The following PNPLA1 variants were observed in gnomAD, a reference collection of about 807,000 sequenced individuals.
PNPLA1 encodes patatin like domain 1, omega-hydroxyceramide transacylase.
A neutral mutation model predicts 51.7 loss-of-function variants in PNPLA1; 36 were observed. That is an observed-to-expected ratio of 0.70 (90% CI 0.53 to 0.92). The LOEUF is 0.92. Among genes scored for constraint, PNPLA1 ranks in the 40% least tolerant of loss-of-function variants. The pLI is 0.00. For missense variants in PNPLA1, 658 were observed against 682.5 expected (o/e 0.96, Z 0.40); for synonymous variants, 293 against 280.1 (o/e 1.05, Z -0.46).
chr6:36,264,700 T>C (rs1457623928), intron 1 of PNPLA1, among the ~76,000 whole-genome samples: 1 of 152,190 alleles, frequency 6.6e-6, no homozygotes, highest in Non-Finnish European at 1.5e-5. Flanking sequence ...TTAAGATTTC[T>C]TCAGTCTGGC....
upstream of PNPLA1, among the ~76,000 whole-genome samples, chr6:36,268,993 A>G (rs1156299207): frequency 3.3e-5 from 5 of 151,352 alleles, no homozygotes; most frequent in Admixed American, 6.6e-5. Context: ...ACGCACACAC[A>G]CTTTATCTAA....
intron 1 of PNPLA1, among the ~76,000 whole-genome samples, chr6:36,284,192 G>A (rs1031045241): frequency 6.6e-6 from 1 of 152,248 alleles, no homozygotes; most frequent in Non-Finnish European, 1.5e-5. Context: ...CTTGCTAGGA[G>A]CACAGGTGAT....
At chr6:36,293,970 G>A (rs1021370903) in intron 3 of PNPLA1, among the ~76,000 whole-genome samples, 2 of 152,080 alleles carry the variant, frequency 1.3e-5, no homozygotes, top group South Asian at 2.1e-4. Context: ...ACAGAGCACC[G>A]GGCTGGGAGT....
chr6:36,278,234 T>C (rs1011738992), intron 1 of PNPLA1, among the ~76,000 whole-genome samples: 4 of 152,216 alleles, frequency 2.6e-5, no homozygotes, highest in Non-Finnish European at 2.9e-5. Context: ...CAATCTGAGA[T>C]CTTGTGGGTC....
chr6:36,271,733 G>T (rs1265465903), intron 1 of PNPLA1, among the ~76,000 whole-genome samples: 1 of 152,198 alleles, frequency 6.6e-6, no homozygotes, highest in African/African-American at 2.4e-5. Context: ...CTGCGGTGTG[G>T]AAAAGGTGGT....
chr6:36,306,571 G>A (rs371029559), intron 7 of PNPLA1, among the ~76,000 whole-genome samples, 195 bp downstream of exon 7: 1 of 152,182 alleles, frequency 6.6e-6, no homozygotes. Flanking sequence ...GGCAGTGTGT[G>A]GGGAAGGAGC....
chr6:36,243,666 AG>A (rs35258406), intron 1 of PNPLA1, among the ~76,000 whole-genome samples: 40 of 152,306 alleles, frequency 2.6e-4, no homozygotes, highest in African/African-American at 8.9e-4. Context: ...GTTAGTCTGC[AG>A]GGGGCTTTGC....
Position 36,302,031 on chromosome 6 carries a change from C to G in PNPLA1, c.946C>G (p.Pro316Ala), listed in dbSNP as rs746018691. The G allele has an allele frequency of 6.2e-7, 1 of 1,614,224 alleles. No homozygotes were observed. The highest frequency in any genetic ancestry group is 1.1e-5 in the South Asian group (1 of 91,088). Reference sequence around the variant, plus strand: ...CACACAACCTCACAAGGAGTGGGTTCCCAAAGGGGATGGAAGGGGCAGCCA... The same window carrying G: ...CACACAACCTCACAAGGAGTGGGTTGCCAAAGGGGATGGAAGGGGCAGCCA... Reference protein sequence around the residue: ...GATQPHKEWVPKGDGRGSHGP... With the variant: ...GATQPHKEWVAKGDGRGSHGP... The change falls in exon 6 of 9, where the codon CCC (proline) becomes GCC (alanine). Residue 316 changes from proline (P) to alanine (A), a missense_variant. Transcript: ENST00000636260.
At chr6:36,263,658 T>C (rs751071647) in intron 1 of PNPLA1, among the ~76,000 whole-genome samples, 1 of 152,074 alleles carries the variant, frequency 6.6e-6, no homozygotes, top group African/African-American at 2.4e-5. Context: ...CATGCTTTCT[T>C]ATTTTGTGAA....
At chr6:36,284,555 T>TCATCCATCCATCCATC (rs66750925) in intron 1 of PNPLA1, among the ~76,000 whole-genome samples, 2 of 148,306 alleles carry the variant, frequency 1.3e-5, no homozygotes, top group East Asian at 4.0e-4. Flanking sequence ...ATCCATCCAC[T>TCATCCATCCATCCATC]CATCCATCCA....
intron 5 of PNPLA1, among the ~76,000 whole-genome samples, chr6:36,298,842 G>A (rs920329297): frequency 2.6e-5 from 4 of 152,148 alleles, no homozygotes; most frequent in African/African-American, 9.7e-5. Context: ...GGGTTCAAGC[G>A]ATTCTCCCGC....
chr6:36,302,448 C>G lies in PNPLA1; in HGVS notation c.1363C>G (p.Leu455Val). The part of the protein sequence containing the change: ...AFPAQPPVEE[L>V]GQEQPQAVAL... Reference sequence around the variant, plus strand: ...CCCTGCTCAGCCACCTGTGGAGGAACTAGGCCAAGAACAGCCCCAAGGTAT... The same window carrying G: ...CCCTGCTCAGCCACCTGTGGAGGAAGTAGGCCAAGAACAGCCCCAAGGTAT... Residue 455 changes from leucine to valine, a missense_variant, in exon 6 of 9, where the codon CTA becomes GTA. Leu to Val is a conservative substitution (Grantham distance 32). Transcript: ENST00000636260. 3.9e-6 allele frequency: 6 copies of G among 1,551,458 alleles called. No individual in the cohort carries two copies. Among genetic ancestry groups the G allele is most frequent in the Non-Finnish European group, 5.2e-6 (6 of 1,148,802 alleles).
chr6:36,277,280 C>T (rs1770132130), intron 1 of PNPLA1, among the ~76,000 whole-genome samples: 1 of 152,214 alleles, frequency 6.6e-6, no homozygotes, highest in Non-Finnish European at 1.5e-5. Flanking sequence ...AAGGGAAGGG[C>T]ACAGTCCTTT....
Position 36,301,870 on chromosome 6 carries a change from A to G in PNPLA1, c.785A>G (p.Tyr262Cys). The G allele has an allele frequency of 6.2e-7, 1 of 1,613,464 alleles. No homozygotes were observed. Among genetic ancestry groups the G allele is most frequent in the South Asian group, 1.1e-5 (1 of 91,006 alleles). Residue 262 changes from tyrosine to cysteine, a missense_variant, in exon 6 of 9, where the codon TAT (tyrosine) becomes TGT (cysteine). Physicochemically the swap from Tyr to Cys is radical, Grantham distance 194. Coordinates refer to ENST00000636260, the MANE Select transcript of PNPLA1 (RefSeq NM_001374623.1). ...VLYLRRLNAV[Y>C]LNSSSKRVIF... ...CTATTGTTTATCCTAGATGCTGTTT[A>G]TCTTAATTCTTCCTCCAAGAGAGTG...
At chr6:36,299,170 A>T (rs1216429223) in intron 5 of PNPLA1, among the ~76,000 whole-genome samples, 2 of 152,146 alleles carry the variant, frequency 1.3e-5, no homozygotes, top group African/African-American at 2.4e-5. Context: ...TCTCTTCCAG[A>T]TCCTATTCAA....
Position 36,287,261 on chromosome 6 carries a change from T to C in PNPLA1, c.206-4059T>C, listed in dbSNP as rs1265542810. 3.3e-5 allele frequency among the ~76,000 whole-genome samples: 5 copies of C among 152,270 alleles called. No individual in the cohort carries two copies. In the East Asian group the frequency reaches 9.7e-4, roughly 29 times the overall value. On this transcript the variant is annotated intron_variant, in intron 1 of 8. Transcript: ENST00000636260. ...TCTCCCCTGGAGGAATTTCCAGCCC[T>C]CAGGGGAGGTTTCTGAGGAGCTTCC...
At position 36,293,128 on chromosome 6, in the gene PNPLA1, T is replaced by A. The variant is rs1343642570; in HGVS notation, c.504+2T>A. Reference sequence around the variant, plus strand: ...ATCCCCCCGACTTACCGCGGTGTGGTGAGTGCTTCGGCATGGTGAGGGGTG... The same window carrying A: ...ATCCCCCCGACTTACCGCGGTGTGGAGAGTGCTTCGGCATGGTGAGGGGTG... On this transcript the variant is annotated splice_donor_variant, in intron 3 of 8. Transcript: ENST00000636260. LOFTEE classifies it high-confidence loss of function. 1 of 1,613,698 alleles carries A rather than the reference T, an allele frequency of 6.2e-7. No individual in the cohort carries two copies. The highest frequency in any genetic ancestry group is 8.5e-7 in the Non-Finnish European group (1 of 1,179,788).
chr6:36,262,329 C>T (rs1026384435), intron 1 of PNPLA1, among the ~76,000 whole-genome samples: 10 of 152,206 alleles, frequency 6.6e-5, no homozygotes, highest in Non-Finnish European at 1.5e-4. Flanking sequence ...AAGCCTAAAT[C>T]TCATCAGCCA....
At chr6:36,305,925 T>C (rs183227991) in intron 6 of PNPLA1, among the ~76,000 whole-genome samples, 62 of 152,214 alleles carry the variant, frequency 4.1e-4, no homozygotes, top group African/African-American at 1.3e-3. Context: ...AGCTAAATTT[T>C]TGTATTTTTA....
Sources: gnomAD v4.1 joint callset for allele counts (sites outside exome capture counted in the v4.1 genomes callset) on GRCh38, gnomAD v4.1.1 for gene constraint, MANE v1.5 for transcripts, NCBI Gene and HGNC (gene_info 2026-07-23, HGNC 2026-07-21) for gene names.